ARSL: variants seen among roughly 807,000 people sequenced by gnomAD.
ARSL encodes the protein arylsulfatase L.
Under a neutral mutation model 31.1 loss-of-function variants are expected in ARSL, and 4 were observed. The observed-to-expected ratio is 0.13, with a 90% CI of 0.06 to 0.29. ARSL has a LOEUF of 0.29. Among genes scored for constraint, ARSL ranks in the 10% least tolerant of loss-of-function variants. The pLI is 1.00. For missense variants in ARSL, 312 were observed against 497.8 expected (o/e 0.63, Z 3.55); for synonymous variants, 198 against 209.9 (o/e 0.94, Z 0.49).
intron 3 of ARSL, among the ~76,000 whole-genome samples, chrX:2,956,202 G>C (rs191749129): frequency 2.5e-4 from 28 of 111,924 alleles, no homozygotes; most frequent in African/African-American, 8.8e-4. Context: ...CCAACACACT[G>C]TAAGTACTAC....
Position 2,934,954 on chromosome X carries a change from G to A in ARSL, c.1648C>T (p.Arg550Trp). ...RVQQAVWEHQ[R>W]TLSPVPLQLD... ...TGCAGAGGAACTGGGCTGAGTGTCC[G>A]CTGGTGTTCCCACACCGCCTGCTGG... The change falls in exon 11 of 11, where the codon CGG becomes TGG. Residue 550 changes from arginine (R) to tryptophan (W), a missense_variant. Physicochemically the swap from Arg to Trp is moderately radical, Grantham distance 101. Transcript: ENST00000381134. 1 of 1,210,820 alleles carries A rather than the reference G, an allele frequency of 8.3e-7. No homozygotes were observed. The highest frequency in any genetic ancestry group is 2.2e-5 in the Admixed American group (1 of 45,943).
At chrX:2,959,416 A>G (rs774614919) in intron 2 of ARSL, among the ~76,000 whole-genome samples, 10 of 111,684 alleles carry the variant, frequency 9.0e-5, no homozygotes, top group Non-Finnish European at 1.5e-4. Context: ...ACAGCCTGCC[A>G]CTATCATTGC....
chrX:2,966,001 C>T (rs1204612740), upstream of ARSL, among the ~76,000 whole-genome samples: 1 of 112,526 alleles, frequency 8.9e-6, no homozygotes, highest in East Asian at 2.8e-4. Context: ...GAACCCTACG[C>T]AATGGTCCCT....
rs925823669 is a variant in ARSL, at chrX:2,943,256, C to G, written c.992-57G>C. The G allele has an allele frequency of 7.6e-6, 9 of 1,182,545 alleles. No homozygotes were observed. In the African/African-American group the frequency reaches 1.2e-4, roughly 16 times the overall value. Reference sequence around the variant, plus strand: ...AAATGGAAAAATATCAGAAATGCAGCTCTGAAGTGTATGCTTTAGCATTCG... The same window carrying G: ...AAATGGAAAAATATCAGAAATGCAGGTCTGAAGTGTATGCTTTAGCATTCG... On this transcript the variant is annotated intron_variant, in intron 7 of 10. Coordinates refer to ENST00000381134, the MANE Select transcript of ARSL (RefSeq NM_000047.3).
At chrX:2,954,494 C>T (rs1259011321) in intron 4 of ARSL, among the ~76,000 whole-genome samples, 1 of 111,527 alleles carries the variant, frequency 9.0e-6, no homozygotes, top group African/African-American at 3.3e-5. Context: ...CGGAGTTTCC[C>T]CATGTTGGTC....
At chrX:2,954,404 T>C (rs2089499189) in intron 4 of ARSL, among the ~76,000 whole-genome samples, 1 of 111,858 alleles carries the variant, frequency 8.9e-6, no homozygotes, top group Non-Finnish European at 1.9e-5. Context: ...CAAGCAATTA[T>C]ACTGCCTCAG....
intron 8 of ARSL, among the ~76,000 whole-genome samples, chrX:2,938,979 A>G (rs2089243289): frequency 9.2e-6 from 1 of 109,236 alleles, no homozygotes; most frequent in African/African-American, 3.3e-5. Context: ...GAGAGGCAGG[A>G]AGGAGCCTCC....
intron 5 of ARSL, 194 bp downstream of exon 5, chrX:2,952,949 G>T: frequency 2.5e-6 from 1 of 406,995 alleles, no homozygotes; most frequent in African/African-American, 2.5e-5. Flanking sequence ...GAGCCACCTT[G>T]CCTGAGCTGG....
chrX:2,965,979 C>T (rs766124793), upstream of ARSL, among the ~76,000 whole-genome samples: 6 of 112,490 alleles, frequency 5.3e-5, no homozygotes, highest in Admixed American at 9.4e-5. Flanking sequence ...TGGGAAGTTA[C>T]TCTGTAGAAT....
At chrX:2,956,837 T>C (rs1199481346) in intron 3 of ARSL, among the ~76,000 whole-genome samples, 2 of 110,615 alleles carry the variant, frequency 1.8e-5, no homozygotes, top group African/African-American at 6.6e-5. Flanking sequence ...CTTAAACTCC[T>C]GGGCTCAAGT....
intron 7 of ARSL, among the ~76,000 whole-genome samples, chrX:2,943,741 CAAAAAAAAAAAAAAAAAAA>C (rs63205261): frequency 2.2e-4 from 3 of 13,725 alleles, no homozygotes; most frequent in African/African-American, 5.1e-4. Flanking sequence ...GACTCGGTCT[CAAAAAAAAAAAAAAAAAAA>C]AAAAAAAAAA....
chrX:2,949,774 T>C (rs780640243), intron 5 of ARSL, 47 bp from the exon 6 acceptor site: 3 of 1,156,808 alleles, frequency 2.6e-6, no homozygotes, highest in Non-Finnish European at 3.5e-6. Context: ...TGAGCATAAC[T>C]GGACATGTCG....
At chrX:2,960,867 A>G (rs1013664348) in intron 1 of ARSL, among the ~76,000 whole-genome samples, 1 of 111,397 alleles carries the variant, frequency 9.0e-6, no homozygotes, top group African/African-American at 3.3e-5. Context: ...GGAAGCGGGG[A>G]AAGATCAAAG....
chrX:2,960,688 T>C (rs969666047), intron 1 of ARSL, among the ~76,000 whole-genome samples: 2 of 111,636 alleles, frequency 1.8e-5, no homozygotes, highest in African/African-American at 6.5e-5. Flanking sequence ...AAAGTGGTCA[T>C]AGGGTCTCCA....
chrX:2,952,125 G>A, intron 5 of ARSL, among the ~76,000 whole-genome samples: 1 of 110,364 alleles, frequency 9.1e-6, no homozygotes, highest in African/African-American at 3.3e-5. Flanking sequence ...TTGACTTGTA[G>A]AAAAATAACC....
At chrX:2,944,216 G>GT (rs2089327253) in intron 7 of ARSL, among the ~76,000 whole-genome samples, 1 of 108,999 alleles carries the variant, frequency 9.2e-6, no homozygotes, top group Non-Finnish European at 1.9e-5. Context: ...AGCACTTTGG[G>GT]AGGCTGAGGC....
intron 7 of ARSL, among the ~76,000 whole-genome samples, chrX:2,944,473 CAA>C (rs58863219): frequency 0.56 from 52,384 of 93,961 alleles, 13,147 homozygotes; most frequent in South Asian, 0.81. Flanking sequence ...ACAAAAAAAA[CAA>C]AAAAAAAAAA....
upstream of ARSL, among the ~76,000 whole-genome samples, chrX:2,967,941 C>T (rs2089711091): frequency 5.4e-5 from 6 of 111,866 alleles, no homozygotes; most frequent in Admixed American, 4.7e-4. Context: ...TTTTTTTTTA[C>T]GCATTACGTT....
intron 10 of ARSL, among the ~76,000 whole-genome samples, chrX:2,936,087 A>G (rs2089197006): frequency 9.0e-6 from 1 of 110,647 alleles, no homozygotes; most frequent in Admixed American, 9.7e-5. Flanking sequence ...TCATCCCAGC[A>G]CTTTGGGAGG....
Sources: allele counts gnomAD v4.1 joint callset (sites outside exome capture counted in the v4.1 genomes callset), GRCh38; gene constraint gnomAD v4.1.1; transcripts MANE v1.5; gene names NCBI Gene and HGNC (gene_info 2026-07-23, HGNC 2026-07-21).